Variants in DIABLO observed in about 807,000 individuals in gnomAD.
The protein encoded by DIABLO is diablo homolog, mitochondrial.
A neutral mutation model predicts 31.7 loss-of-function variants in DIABLO; 32 were observed. The observed-to-expected ratio is 1.01, with a 90% CI of 0.76 to 1.35. The LOEUF (loss-of-function observed/expected upper bound fraction) is 1.35. Among genes scored for constraint, DIABLO ranks in the 40% most tolerant of loss-of-function variants. The pLI is 0.00. For missense variants in DIABLO, 316 were observed against 286.4 expected (o/e 1.10, Z -0.75); for synonymous variants, 132 against 103.2 (o/e 1.28, Z -1.69).
At chr12:122,225,233 A>C (rs1214596307) in intron 1 of DIABLO, 8 of 242,946 alleles carry the variant, frequency 3.3e-5, no homozygotes, top group Non-Finnish European at 4.8e-5. Context: ...AAAAGAAAAA[A>C]AAAAATTAGC....
upstream of DIABLO, chr12:122,226,462 C>G: frequency 1.4e-6 from 1 of 697,308 alleles, no homozygotes; most frequent in Admixed American, 2.0e-5. Flanking sequence ...GTGGTCCAGC[C>G]GGCCAGCAGC....
At chr12:122,224,716 G>A (rs371867709) in intron 1 of DIABLO, 72 bp from the exon 2 acceptor site, 95 of 1,613,220 alleles carry the variant, frequency 5.9e-5, no homozygotes, top group Non-Finnish European at 7.8e-5. Context: ...TACTTGCAGG[G>A]GCTGTAAACT....
chr12:122,213,571 T>C (rs1025088289), intron 5 of DIABLO, among the ~76,000 whole-genome samples: 1 of 151,726 alleles, frequency 6.6e-6, no homozygotes, highest in African/African-American at 2.4e-5. Context: ...TAGGAAAATG[T>C]CTACTTTTCT....
At position 122,207,708 on chromosome 12, in the gene DIABLO, T is replaced by G. The variant is rs1173197582; in HGVS notation, c.*673A>C. On this transcript the variant is annotated 3_prime_UTR_variant, in exon 6 of 6. Coordinates refer to ENST00000464942, the MANE Select transcript of DIABLO (RefSeq NM_001371333.1). Reference sequence around the variant, plus strand: ...TTTTCTCTTTCAGATGCAAACAAAATCTTACACTCTTCTCCTTTGGATACA... The same window carrying G: ...TTTTCTCTTTCAGATGCAAACAAAAGCTTACACTCTTCTCCTTTGGATACA... The G allele has an allele frequency of 1.8e-6, 1 of 552,962 alleles. No individual in the cohort carries two copies. The highest frequency in any genetic ancestry group is 1.5e-5 in the South Asian group (1 of 65,330). The allele number at this position is 552,962 out of a possible 1,614,324, so 34.3% of individuals were successfully genotyped here.
At chr12:122,226,533 T>C, upstream of DIABLO, 1 of 699,028 alleles carries the variant, frequency 1.4e-6, no homozygotes, top group Non-Finnish European at 2.6e-6. Context: ...CCGCAGCAGC[T>C]GCAGCACGTG....
Position 122,208,064 on chromosome 12 carries a change from A to T in DIABLO, c.*317T>A. The T allele has an allele frequency of 1.7e-6, 1 of 581,444 alleles. No individual in the cohort carries two copies. Among genetic ancestry groups the T allele is most frequent in the Non-Finnish European group, 3.2e-6 (1 of 309,742 alleles). The allele number at this position is 581,444 out of a possible 1,614,324, so 36.0% of individuals were successfully genotyped here. On this transcript the variant is annotated 3_prime_UTR_variant, in exon 6 of 6. Transcript: ENST00000464942. ...AACAGTTGCTGAACTTAAGGGCATG[A>T]CAAAAAGGACTCCTCTCTCTGACCC...
intron 2 of DIABLO, chr12:122,220,531 T>A (rs1369203769): frequency 6.6e-6 from 1 of 152,184 alleles, no homozygotes; most frequent in African/African-American, 2.4e-5. Flanking sequence ...GGCGGGTACC[T>A]GTAATCCCAG....
At position 122,226,042 on chromosome 12, in the gene DIABLO, A is replaced by G. The variant is rs763485740; in HGVS notation, c.-28T>C. On this transcript the variant is annotated 5_prime_UTR_variant, in exon 1 of 6. Coordinates refer to ENST00000464942, the MANE Select transcript of DIABLO (RefSeq NM_001371333.1). The stretch of plus-strand genomic sequence containing the variant: ...TGCAGCGCGCGGACGCCAGACGCAC[A>G]CGCCGGAAGTGACGCAGCTTCGTGA... 1.3e-6 allele frequency: 2 copies of G among 1,595,784 alleles called. No homozygotes were observed. The highest frequency in any genetic ancestry group is 1.7e-5 in the Admixed American group (1 of 58,020).
chr12:122,226,391 G>C, upstream of DIABLO: 1 of 673,258 alleles, frequency 1.5e-6, no homozygotes. Flanking sequence ...GGGAGGCGGG[G>C]CCGGGCGGGA....
At chr12:122,216,111 A>C (rs1954206366) in intron 5 of DIABLO, among the ~76,000 whole-genome samples, 1 of 152,180 alleles carries the variant, frequency 6.6e-6, no homozygotes, top group Admixed American at 6.5e-5. Flanking sequence ...CATCTGTACA[A>C]AAAGGTTCAC....
intron 2 of DIABLO, chr12:122,220,851 T>C (rs1954319950): frequency 6.6e-6 from 1 of 152,220 alleles, no homozygotes; most frequent in Non-Finnish European, 1.5e-5. Flanking sequence ...TATACAGGAC[T>C]ACAAAAGGAA....
At chr12:122,216,327 A>G (rs1481466551) in intron 5 of DIABLO, among the ~76,000 whole-genome samples, 161 bp downstream of exon 5, 1 of 152,236 alleles carries the variant, frequency 6.6e-6, no homozygotes, top group Non-Finnish European at 1.5e-5. Flanking sequence ...TGCAAATAAA[A>G]TGTAGGTTAA....
At chr12:122,217,899 A>G in intron 3 of DIABLO, 2 of 269,644 alleles carry the variant, frequency 7.4e-6, no homozygotes, top group South Asian at 4.1e-5. Flanking sequence ...GATGGACCAC[A>G]GGCCCCTGTG....
rs969510360 is a variant in DIABLO, at chr12:122,218,724, G to A, written c.184-327C>T. 9 of 351,410 alleles carry A rather than the reference G, an allele frequency of 2.6e-5. No homozygotes were observed. In the Admixed American group the frequency reaches 2.8e-4, roughly 11 times the overall value. 21.8% of individuals were successfully genotyped at this position (351,410 alleles called of 1,614,324 possible). A position where few individuals can be genotyped will look rare whatever the true frequency, so the allele number is the denominator to read the frequency against. On this transcript the variant is annotated intron_variant, in intron 2 of 5. Coordinates refer to ENST00000464942, the MANE Select transcript of DIABLO (RefSeq NM_001371333.1). ...TGGGAGGCTGAGGCAGGCAGATCAC[G>A]AGGTCAGGAGATTGAGACGATCCTG...
intron 5 of DIABLO, among the ~76,000 whole-genome samples, chr12:122,215,964 C>T (rs1040769573): frequency 1.3e-5 from 2 of 151,550 alleles, no homozygotes; most frequent in East Asian, 3.9e-4. Flanking sequence ...TCATCTTAGC[C>T]GAATGATCTG....
chr12:122,215,882 GGAA>G (rs778327540), intron 5 of DIABLO, among the ~76,000 whole-genome samples: 1,202 of 20,900 alleles, frequency 0.058, 12 homozygotes, highest in African/African-American at 0.11. Context: ...ATTTTATGAA[GGAA>G]AAAAAAAAAA....
chr12:122,226,418 G>T, upstream of DIABLO: 2 of 681,288 alleles, frequency 2.9e-6, no homozygotes, highest in Non-Finnish European at 5.3e-6. Context: ...GCCGGGCGCG[G>T]CGACGGCGCT....
chr12:122,209,243 ATCCC>A (rs1954019128), intron 5 of DIABLO, among the ~76,000 whole-genome samples: 1 of 152,040 alleles, frequency 6.6e-6, no homozygotes, highest in Non-Finnish European at 1.5e-5. Flanking sequence ...CATGCCTGTA[ATCCC>A]AGCTACTTGG....
upstream of DIABLO, chr12:122,226,517 C>T (rs996396773): frequency 2.1e-5 from 15 of 699,072 alleles, no homozygotes; most frequent in African/African-American, 2.5e-4. Flanking sequence ...CGAAGGCGAG[C>T]AGCTCCCGCA....
Sources: gnomAD v4.1 joint callset for allele counts (sites outside exome capture counted in the v4.1 genomes callset) on GRCh38, gnomAD v4.1.1 for gene constraint, MANE v1.5 for transcripts, NCBI Gene and HGNC (gene_info 2026-07-23, HGNC 2026-07-21) for gene names.